PIGC: variants seen among roughly 807,000 people sequenced by gnomAD.
The protein encoded by PIGC is phosphatidylinositol N-acetylglucosaminyltransferase subunit C.
A neutral mutation model predicts 20.9 loss-of-function variants in PIGC; 14 were observed. The observed-to-expected ratio is 0.67, with a 90% CI of 0.44 to 1.05. The LOEUF (loss-of-function observed/expected upper bound fraction) is 1.05. PIGC is among the 50% of genes least tolerant of loss of function. The pLI is 0.00. For synonymous variants in PIGC, 132 were observed against 141.4 expected, an observed-to-expected ratio of 0.93 and a Z score of 0.47; for missense variants, 310 against 360.9, an observed-to-expected ratio of 0.86 and a Z score of 1.14.
Position 172,441,825 on chromosome 1 carries a change from T to C in PIGC, c.798A>G (p.Pro266=). The part of the protein sequence containing the change: ...LLLMSISCLC[P]FYLIRLQLFK... ...AAAGCTGCAAGCGAATGAGGTAGAA[T>C]GGACACAGACATGAGATAGACATCA... Residue 266 remains proline (P), a synonymous_variant, in exon 2 of 2, where the codon CCA becomes CCG. Coordinates refer to ENST00000344529, the MANE Select transcript of PIGC (RefSeq NM_153747.2). The C allele has an allele frequency of 6.2e-7, 1 of 1,613,878 alleles. No individual in the cohort carries two copies. Among genetic ancestry groups the C allele is most frequent in the Non-Finnish European group, 8.5e-7 (1 of 1,179,852 alleles).
Position 172,441,814 on chromosome 1 carries a change from A to C in PIGC, c.809T>G (p.Ile270Ser). 6.2e-7 allele frequency: 1 copy of C among 1,612,822 alleles called. No homozygotes were observed. The highest frequency in any genetic ancestry group is 1.1e-5 in the South Asian group (1 of 90,860). The part of the protein sequence containing the change: ...SISCLCPFYL[I>S]RLQLFKENIH... ...GTTTTCTTTAAAAAGCTGCAAGCGAATGAGGTAGAATGGACACAGACATGA... is the reference window on the plus strand; with the variant it reads ...GTTTTCTTTAAAAAGCTGCAAGCGACTGAGGTAGAATGGACACAGACATGA... The change falls in exon 2 of 2, where the codon ATT becomes AGT. Residue 270 changes from isoleucine to serine, a missense_variant. Physicochemically the swap from Ile to Ser is moderately radical, Grantham distance 142. Coordinates refer to ENST00000344529, the MANE Select transcript of PIGC (RefSeq NM_153747.2).
chr1:172,443,620 A>G (rs967296940), intron 1 of PIGC: 7 of 166,240 alleles, frequency 4.2e-5, no homozygotes, highest in South Asian at 4.2e-4. Context: ...CAAATTTGAG[A>G]AAAAAAAAAT....
In PIGC at chr1:172,442,146, G is replaced by C; in HGVS notation, c.477C>G (p.Gly159=). 6.2e-7 allele frequency: 1 copy of C among 1,614,184 alleles called. No homozygotes were observed. The highest frequency in any genetic ancestry group is 1.1e-5 in the South Asian group (1 of 91,086). The part of the protein sequence containing the change: ...IYAMSVFMLL[G]HLIFFDYGAN... ...CACCATAGTCAAAAAAGATGAGATG[G>C]CCTAACAGCATGAAGACTGACATGG... Residue 159 remains glycine, a synonymous_variant, in exon 2 of 2, where the codon GGC becomes GGG. Coordinates refer to ENST00000344529, the MANE Select transcript of PIGC (RefSeq NM_153747.2).
In PIGC at chr1:172,442,540, T is replaced by C. The variant is rs750452407; in HGVS notation, c.83A>G (p.Tyr28Cys). 8.1e-6 allele frequency: 13 copies of C among 1,614,048 alleles called. No individual in the cohort carries two copies. Among genetic ancestry groups the C allele is most frequent in the African/African-American group, 6.7e-5 (5 of 74,928 alleles). Reference sequence around the variant, plus strand: ...CTCTTCCAGGAATCGCCGGTCCACATAGTTATCAGGAAAGGGCTGTCGCTC... The same window carrying C: ...CTCTTCCAGGAATCGCCGGTCCACACAGTTATCAGGAAAGGGCTGTCGCTC... ...LYERQPFPDN[Y>C]VDRRFLEELR... The change falls in exon 2 of 2, where the codon TAT (tyrosine) becomes TGT (cysteine). Residue 28 changes from tyrosine to cysteine, a missense_variant. Coordinates refer to ENST00000344529, the MANE Select transcript of PIGC (RefSeq NM_153747.2).
rs773709439 is a variant in PIGC at position 172,444,028 on chromosome 1, C to T, written c.-249G>A. On this transcript the variant is annotated 5_prime_UTR_variant, in exon 1 of 2. The change creates a new upstream start codon in the 5' untranslated region. Coordinates refer to ENST00000344529, the MANE Select transcript of PIGC (RefSeq NM_153747.2). ...GTTGCGCAGCTGGGGGACGGCGGCA[C>T]CCAGCCTTTTTCCCGCTTCGGGGCG... The T allele has an allele frequency of 3.7e-4, 368 of 1,000,024 alleles. No individual in the cohort carries two copies. The highest frequency in any genetic ancestry group is 4.4e-4 in the Non-Finnish European group (364 of 830,212). The allele number at this position is 1,000,024 out of a possible 1,614,324, so 61.9% of individuals were successfully genotyped here. A position where few individuals can be genotyped will look rare whatever the true frequency, so the allele number is the denominator to read the frequency against.
Position 172,442,084 on chromosome 1 carries a change from T to G in PIGC, c.539A>C (p.Asn180Thr). The G allele has an allele frequency of 6.2e-7, 1 of 1,614,158 alleles. No homozygotes were observed. Among genetic ancestry groups the G allele is most frequent in the Non-Finnish European group, 8.5e-7 (1 of 1,180,024 alleles). The change falls in exon 2 of 2, where the codon AAC (asparagine) becomes ACC (threonine). Residue 180 changes from asparagine to threonine, a missense_variant. Asn to Thr is a moderately conservative substitution (Grantham distance 65, BLOSUM62 0). Coordinates refer to ENST00000344529, the MANE Select transcript of PIGC (RefSeq NM_153747.2). ...AAIVSSTLSL[N>T]MAIFASVCLA... ...GCATACAGAAGCAAAGATGGCCATG[T>G]TCAAGGATAGTGTGCTGGATACAAT...
intron 1 of PIGC, chr1:172,443,358 T>G (rs535487688): frequency 6.0e-6 from 1 of 167,070 alleles, no homozygotes; most frequent in East Asian, 1.9e-4. Flanking sequence ...AAAGGCATGT[T>G]ATTTGTATTT....
chr1:172,442,606 A>G lies in PIGC; in HGVS notation c.17T>C (p.Val6Ala). The G allele has an allele frequency of 5.0e-6, 8 of 1,613,198 alleles. No individual in the cohort carries two copies. Among genetic ancestry groups the G allele is most frequent in the Non-Finnish European group, 6.8e-6 (8 of 1,179,186 alleles). Reference sequence around the variant, plus strand: ...CCACTTGACCTCCTTGGTGTTAGTCACAGGTTGAGCATACATTATCCTTTC... The same window carrying G: ...CCACTTGACCTCCTTGGTGTTAGTCGCAGGTTGAGCATACATTATCCTTTC... MYAQP[V>A]TNTKEVKWQK... Residue 6 changes from valine (V) to alanine (A), a missense_variant, in exon 2 of 2, where the codon GTG (valine) becomes GCG (alanine). Transcript: ENST00000344529.
In PIGC at chr1:172,441,477, T is replaced by C. The variant is rs977569886; in HGVS notation, c.*252A>G. 12 of 324,998 alleles carry C rather than the reference T, an allele frequency of 3.7e-5. No individual in the cohort carries two copies. Among genetic ancestry groups the C allele is most frequent in the Non-Finnish European group, 5.6e-5 (10 of 179,232 alleles). The allele number at this position is 324,998 out of a possible 1,614,324, so 20.1% of individuals were successfully genotyped here. On this transcript the variant is annotated 3_prime_UTR_variant, in exon 2 of 2. Transcript: ENST00000344529. ...CTTGATGGATGTGTTATTTTTTTAA[T>C]AGAAACCACATCACTTCATATGTTA...
In PIGC at chr1:172,442,517, C is replaced by T. The variant is rs1262947402; in HGVS notation, c.106G>A (p.Glu36Lys). 3.1e-6 allele frequency: 5 copies of T among 1,614,222 alleles called. No homozygotes were observed. Among genetic ancestry groups the T allele is most frequent in the South Asian group, 1.1e-5 (1 of 91,084 alleles). The change falls in exon 2 of 2, where the codon GAG becomes AAG. Residue 36 changes from glutamate to lysine, a missense_variant. Transcript: ENST00000344529. ...DNYVDRRFLEELRKNIHARKY... is the reference protein window; with the variant it reads ...DNYVDRRFLEKLRKNIHARKY... ...CGAGCATGGATGTTTTTCCGGAGCT[C>T]TTCCAGGAATCGCCGGTCCACATAG...
In PIGC at chr1:172,442,506, T is replaced by C. The variant is rs1647424398; in HGVS notation, c.117A>G (p.Lys39=). The change falls in exon 2 of 2, where the codon AAA becomes AAG. Residue 39 remains lysine (K), a synonymous_variant. Coordinates refer to ENST00000344529, the MANE Select transcript of PIGC (RefSeq NM_153747.2). The part of the protein sequence containing the change: ...VDRRFLEELR[K]NIHARKYQYW... Reference sequence around the variant, plus strand: ...ATTGGTATTTCCGAGCATGGATGTTTTTCCGGAGCTCTTCCAGGAATCGCC... The same window carrying C: ...ATTGGTATTTCCGAGCATGGATGTTCTTCCGGAGCTCTTCCAGGAATCGCC... 1.9e-6 allele frequency: 3 copies of C among 1,614,208 alleles called. No individual in the cohort carries two copies. The highest frequency in any genetic ancestry group is 4.5e-5 in the East Asian group (2 of 44,882).
chr1:172,443,619 GA>G (rs914567916), intron 1 of PIGC: 11 of 165,166 alleles, frequency 6.7e-5, no homozygotes, highest in Admixed American at 4.6e-4. Context: ...GCAAATTTGA[GA>G]AAAAAAAAAT....
chr1:172,441,941 A>G lies in PIGC; in HGVS notation c.682T>C (p.Tyr228His), dbSNP rs760752299. The G allele has an allele frequency of 6.2e-7, 1 of 1,614,190 alleles. No homozygotes were observed. Among genetic ancestry groups the G allele is most frequent in the Non-Finnish European group, 8.5e-7 (1 of 1,180,012 alleles). The change falls in exon 2 of 2, where the codon TAT (tyrosine) becomes CAT (histidine). Residue 228 changes from tyrosine to histidine, a missense_variant. By Grantham distance (83) the Tyr-to-His change is moderately conservative. Coordinates refer to ENST00000344529, the MANE Select transcript of PIGC (RefSeq NM_153747.2). ...GCAAAAAGCAGTGTGACCCCCACAT[A>G]GCTCCGGGGAGTACATGCCTTTAGT... ...KKLKACTPRS[Y>H]VGVTLLFAFS...
Position 172,441,947 on chromosome 1 carries a change from G to T in PIGC, c.676C>A (p.Arg226=). ...AGCAGTGTGACCCCCACATAGCTCCGGGGAGTACATGCCTTTAGTTTCTTC... is the reference window on the plus strand; with the variant it reads ...AGCAGTGTGACCCCCACATAGCTCCTGGGAGTACATGCCTTTAGTTTCTTC... ...LQKKLKACTP[R]SYVGVTLLFA... is the part of the protein sequence containing the mutation. The change falls in exon 2 of 2, where the codon CGG becomes AGG. Residue 226 remains arginine, a synonymous_variant. Transcript: ENST00000344529. 6.2e-7 allele frequency: 1 copy of T among 1,614,172 alleles called. No individual in the cohort carries two copies. The highest frequency in any genetic ancestry group is 1.7e-5 in the Admixed American group (1 of 60,014).
Position 172,442,553 on chromosome 1 carries a change from A to G in PIGC, c.70T>C (p.Phe24Leu), listed in dbSNP as rs141135424. ...WQKVLYERQPFPDNYVDRRFL... is the reference protein window; with the variant it reads ...WQKVLYERQPLPDNYVDRRFL... Reference sequence around the variant, plus strand: ...CGCCGGTCCACATAGTTATCAGGAAAGGGCTGTCGCTCATACAAGACCTTC... The same window carrying G: ...CGCCGGTCCACATAGTTATCAGGAAGGGGCTGTCGCTCATACAAGACCTTC... The change falls in exon 2 of 2, where the codon TTT becomes CTT. Residue 24 changes from phenylalanine to leucine, a missense_variant. Transcript: ENST00000344529. 7 of 1,614,058 alleles carry G rather than the reference A, an allele frequency of 4.3e-6. No homozygotes were observed. The African/African-American group carries it at 9.3e-5, about 22-fold the overall frequency.
At position 172,442,470 on chromosome 1, in the gene PIGC, C is replaced by T; in HGVS notation, c.153G>A (p.Val51=). ...GGATCACCACACTGGACTCAAATAC[C>T]ACAGCCCAATATTGGTATTTCCGAG... The part of the protein sequence containing the change: ...IHARKYQYWA[V]VFESSVVIQQ... Residue 51 remains valine (V), a synonymous_variant, in exon 2 of 2, where the codon GTG becomes GTA. Coordinates refer to ENST00000344529, the MANE Select transcript of PIGC (RefSeq NM_153747.2). The T allele has an allele frequency of 6.2e-7, 1 of 1,614,178 alleles. No homozygotes were observed. The highest frequency in any genetic ancestry group is 8.5e-7 in the Non-Finnish European group (1 of 1,180,034).
rs763300943 is a variant in PIGC at position 172,442,108 on chromosome 1, A to G, written c.515T>C (p.Ile172Thr). The G allele has an allele frequency of 5.6e-6, 9 of 1,614,138 alleles. No individual in the cohort carries two copies. Among genetic ancestry groups the G allele is most frequent in the Non-Finnish European group, 1.7e-6 (2 of 1,180,052 alleles). The stretch of plus-strand genomic sequence containing the variant: ...GTTCAAGGATAGTGTGCTGGATACA[A>G]TGGCAGCATTGGCACCATAGTCAAA... ...IFFDYGANAA[I>T]VSSTLSLNMA... Residue 172 changes from isoleucine to threonine, a missense_variant, in exon 2 of 2, where the codon ATT becomes ACT. Physicochemically the swap from Ile to Thr is moderately conservative, Grantham distance 89. Coordinates refer to ENST00000344529, the MANE Select transcript of PIGC (RefSeq NM_153747.2).
In PIGC at chr1:172,442,398, C is replaced by T. The variant is rs1317534765; in HGVS notation, c.225G>A (p.Met75Ile). The change falls in exon 2 of 2, where the codon ATG (methionine) becomes ATA (isoleucine). Residue 75 changes from methionine to isoleucine, a missense_variant. Physicochemically the swap from Met to Ile is conservative, Grantham distance 10. Coordinates refer to ENST00000344529, the MANE Select transcript of PIGC (RefSeq NM_153747.2). ...AATGGGGGGCCAGAAGACCCTCATC[C>T]ATATACCACCAGATAACCACAAAAA... The part of the protein sequence containing the change: ...VCVFVVIWWY[M>I]DEGLLAPHWL... 7.4e-6 allele frequency: 12 copies of T among 1,613,896 alleles called. No homozygotes were observed. The Admixed American group carries it at 1.8e-4, about 25-fold the overall frequency.
At position 172,444,048 on chromosome 1, in the gene PIGC, G is replaced by A. The variant is rs978285187; in HGVS notation, c.-269C>T. 2.8e-5 allele frequency: 28 copies of A among 999,568 alleles called. No homozygotes were observed. The African/African-American group carries it at 4.7e-4, about 17-fold the overall frequency. 61.9% of individuals were successfully genotyped at this position (999,568 alleles called of 1,614,324 possible). A position where few individuals can be genotyped will look rare whatever the true frequency, so the allele number is the denominator to read the frequency against. On this transcript the variant is annotated 5_prime_UTR_variant, in exon 1 of 2. Coordinates refer to ENST00000344529, the MANE Select transcript of PIGC (RefSeq NM_153747.2). ...CGGCACCCAGCCTTTTTCCCGCTTCGGGGCGCCGGGGCTGCGACTGTGGCC... is the reference window on the plus strand; with the variant it reads ...CGGCACCCAGCCTTTTTCCCGCTTCAGGGCGCCGGGGCTGCGACTGTGGCC...
Sources: allele counts gnomAD v4.1 joint callset, GRCh38; gene constraint gnomAD v4.1.1; transcripts MANE v1.5; gene names NCBI Gene and HGNC (gene_info 2026-07-23, HGNC 2026-07-21).